The following VNN1 variants were observed in gnomAD, a reference collection of about 807,000 sequenced individuals.
The protein encoded by VNN1 is pantetheinase.
VNN1 carries 29 observed loss-of-function variants against 41.9 expected under a neutral mutation model. The ratio of observed to expected loss-of-function variants is 0.69; its 90% CI spans 0.52 to 0.94. The LOEUF is 0.94. Among genes scored for constraint, VNN1 ranks in the 40% least tolerant of loss-of-function variants. VNN1 has a pLI of 0.00. For missense variants in VNN1, 637 were observed against 621.1 expected (o/e 1.03, Z -0.27); for synonymous variants, 233 against 224.4 (o/e 1.04, Z -0.34).
At chr6:132,686,779 T>C (rs1452882953) in intron 5 of VNN1, among the ~76,000 whole-genome samples, 1 of 151,974 alleles carries the variant, frequency 6.6e-6, no homozygotes, top group Non-Finnish European at 1.5e-5. Context: ...TAAAAGCAAC[T>C]TGAAGGAAGC....
Position 132,684,467 on chromosome 6 carries a change from G to A in VNN1, c.1227C>T (p.Asn409=). The A allele has an allele frequency of 6.2e-7, 1 of 1,614,062 alleles. No homozygotes were observed. The highest frequency in any genetic ancestry group is 8.5e-7 in the Non-Finnish European group (1 of 1,179,990). Residue 409 remains asparagine, a synonymous_variant, in exon 6 of 7, where the codon AAC becomes AAT. Transcript: ENST00000367928. ...TLLKCKTTNL[N]TCGDSAETAS... ...CTGTTTCAGCTGAGTCACCGCAAGT[G>A]TTTAAATTAGTCGTTTTACATTTCA...
intron 2 of VNN1, among the ~76,000 whole-genome samples, chr6:132,697,152 G>A (rs982747727): frequency 2.0e-5 from 3 of 151,900 alleles, no homozygotes; most frequent in Non-Finnish European, 2.9e-5. Context: ...AAGAAAGAAG[G>A]GAGGCAGGGA....
At chr6:132,705,983 T>C (rs1007162642) in intron 2 of VNN1, among the ~76,000 whole-genome samples, 1 of 152,016 alleles carries the variant, frequency 6.6e-6, no homozygotes, top group Non-Finnish European at 1.5e-5. Context: ...TACAATGAAG[T>C]CTGTAAAACA....
chr6:132,697,030 G>A (rs902974594), intron 2 of VNN1, among the ~76,000 whole-genome samples: 10 of 152,070 alleles, frequency 6.6e-5, no homozygotes, highest in African/African-American at 1.2e-4. Flanking sequence ...GCGTGAACTC[G>A]GGAGGTGGAG....
intron 2 of VNN1, among the ~76,000 whole-genome samples, chr6:132,694,501 T>C (rs1359709083): frequency 1.3e-5 from 2 of 152,326 alleles, no homozygotes; most frequent in East Asian, 1.9e-4. Flanking sequence ...GTGGATATCA[T>C]AGATCAATGA....
chr6:132,708,200 A>G (rs1778547512), intron 2 of VNN1, among the ~76,000 whole-genome samples: 1 of 152,220 alleles, frequency 6.6e-6, no homozygotes, highest in Admixed American at 6.5e-5. Context: ...TGATGCAATC[A>G]AAGTGTCTGA....
At chr6:132,710,014 A>T in intron 2 of VNN1, among the ~76,000 whole-genome samples, 1 of 152,150 alleles carries the variant, frequency 6.6e-6, no homozygotes, top group East Asian at 1.9e-4. Context: ...CCTTGTCAAA[A>T]TCAAGGTGTC....
rs1211023628 is a variant in VNN1 at position 132,713,916 on chromosome 6, G to C, written c.120C>G (p.Thr40=). The C allele has an allele frequency of 6.2e-7, 1 of 1,614,068 alleles. No homozygotes were observed. The highest frequency in any genetic ancestry group is 8.5e-7 in the Non-Finnish European group (1 of 1,180,018). The change falls in exon 1 of 7, where the codon ACC becomes ACG. Residue 40 remains threonine, a synonymous_variant. Coordinates refer to ENST00000367928, the MANE Select transcript of VNN1 (RefSeq NM_004666.3). ...YEHAAILPNA[T]LTPVSREEAL... is the part of the protein sequence containing the mutation. ...CCTCCTCACGAGACACTGGTGTTAG[G>C]GTGGCATTGGGCAATATCGCTGCAT...
intron 5 of VNN1, among the ~76,000 whole-genome samples, chr6:132,687,643 G>GCATT (rs974838818): frequency 3.3e-5 from 5 of 152,066 alleles, no homozygotes; most frequent in African/African-American, 1.2e-4. Flanking sequence ...AGCTAAGAGA[G>GCATT]CATTCCTAGG....
chr6:132,695,828 A>G (rs2840820), intron 2 of VNN1, among the ~76,000 whole-genome samples: 65,779 of 151,940 alleles, frequency 0.43, 15,374 homozygotes, highest in African/African-American at 0.6. Flanking sequence ...CAACACAAAC[A>G]TCCTACAACA....
chr6:132,681,622 C>T lies in VNN1; in HGVS notation c.*1518G>A, dbSNP rs928810051. 1 of 152,512 alleles carries T rather than the reference C, an allele frequency of 6.6e-6. No homozygotes were observed. The highest frequency in any genetic ancestry group is 6.5e-5 in the Admixed American group (1 of 15,274). The allele number at this position is 152,512 out of a possible 1,614,324, so 9.4% of individuals were successfully genotyped here. On this transcript the variant is annotated 3_prime_UTR_variant, in exon 7 of 7. Coordinates refer to ENST00000367928, the MANE Select transcript of VNN1 (RefSeq NM_004666.3). ...GAAGTTTTTAATAATTCAAGCCTAT[C>T]ACCAACACATCAATATGTTTTCTGT...
Position 132,693,267 on chromosome 6 carries a change from C to G in VNN1, c.583G>C (p.Glu195Gln), listed in dbSNP as rs368964589. The change falls in exon 4 of 7, where the codon GAG becomes CAG. Residue 195 changes from glutamate to glutamine, a missense_variant. Physicochemically the swap from Glu to Gln is conservative, Grantham distance 29. Coordinates refer to ENST00000367928, the MANE Select transcript of VNN1 (RefSeq NM_004666.3). ...ENQFNVPKEP[E>Q]IVTFNTTFGS... ...AAGGTGGTATTGAAAGTCACAATCT[C>G]AGGCTCCTTGGGTACATTGAATTGA... 6.8e-6 allele frequency: 11 copies of G among 1,613,828 alleles called. No homozygotes were observed. The African/African-American group carries it at 1.1e-4, about 16-fold the overall frequency.
intron 2 of VNN1, among the ~76,000 whole-genome samples, chr6:132,708,759 T>C (rs1418735583): frequency 2.0e-5 from 3 of 152,198 alleles, no homozygotes; most frequent in Admixed American, 2.0e-4. Context: ...GCCATAATGA[T>C]CACAACAGCT....
At chr6:132,705,441 A>G (rs1352310072) in intron 2 of VNN1, among the ~76,000 whole-genome samples, 1 of 152,206 alleles carries the variant, frequency 6.6e-6, no homozygotes, top group Non-Finnish European at 1.5e-5. Flanking sequence ...ATTTCAATTG[A>G]CACTGAAAAA....
chr6:132,684,205 G>T, intron 6 of VNN1, 130 bp downstream of exon 6: 2 of 922,684 alleles, frequency 2.2e-6, no homozygotes, highest in Non-Finnish European at 1.6e-6. Flanking sequence ...TGTCCTTCAT[G>T]ATCCCCAAGG....
At chr6:132,709,431 G>A (rs1289276172) in intron 2 of VNN1, among the ~76,000 whole-genome samples, 6 of 152,136 alleles carry the variant, frequency 3.9e-5, no homozygotes, top group Non-Finnish European at 8.8e-5. Context: ...CAGCACTTTG[G>A]GAGGCCGAGC....
intron 2 of VNN1, among the ~76,000 whole-genome samples, chr6:132,694,660 GC>G (rs45443992): frequency 9.8e-4 from 148 of 150,742 alleles, no homozygotes; most frequent in African/African-American, 3.4e-3. Flanking sequence ...TTTGAGACCA[GC>G]CTGGGCAACA....
intron 2 of VNN1, among the ~76,000 whole-genome samples, chr6:132,709,172 C>A (rs1778559401): frequency 6.6e-6 from 1 of 151,438 alleles, no homozygotes; most frequent in Admixed American, 6.6e-5. Context: ...ATGAAAGATA[C>A]CTATATAAAG....
At position 132,693,316 on chromosome 6, in the gene VNN1, C is replaced by T. The variant is rs761644969; in HGVS notation, c.535-1G>A. ...GATTTTCACCCATGAAAAGGTTTTG[C>T]TGCAATAAACAGAAGATAAAGAGAA... On this transcript the variant is annotated splice_acceptor_variant, in intron 3 of 6. Coordinates refer to ENST00000367928, the MANE Select transcript of VNN1 (RefSeq NM_004666.3). LOFTEE classifies it high-confidence loss of function. 6.3e-6 allele frequency: 10 copies of T among 1,591,404 alleles called. No homozygotes were observed. In the Admixed American group the frequency reaches 1.4e-4, roughly 23 times the overall value.
Sources: allele counts gnomAD v4.1 joint callset (sites outside exome capture counted in the v4.1 genomes callset), GRCh38; gene constraint gnomAD v4.1.1; transcripts MANE v1.5; gene names NCBI Gene and HGNC (gene_info 2026-07-23, HGNC 2026-07-21).